Variants in APBA2 observed in about 807,000 individuals in gnomAD.
APBA2 encodes amyloid beta precursor protein binding family A member 2, also known as amyloid-beta A4 precursor protein-binding family A member 2.
Under a neutral mutation model 75.0 loss-of-function variants are expected in APBA2, and 30 were observed. The observed-to-expected ratio is 0.40, with a 90% CI of 0.30 to 0.54. APBA2 has a LOEUF of 0.54. Among genes scored for constraint, APBA2 ranks in the 20% least tolerant of loss-of-function variants. The pLI, the probability that APBA2 is intolerant of heterozygous loss-of-function variation, is 0.49. For synonymous variants in APBA2, 444 were observed against 409.6 expected (o/e 1.08, Z -1.01); for missense variants, 801 against 1,016.1 (o/e 0.79, Z 2.88).
chr15:29,107,295 T>G (rs911928528), intron 12 of APBA2, among the ~76,000 whole-genome samples: 6 of 152,286 alleles, frequency 3.9e-5, no homozygotes, highest in African/African-American at 1.4e-4. Flanking sequence ...ACTCGTGAGC[T>G]TGCAGCTTTG....
chr15:29,100,067 A>C (rs2044043089), intron 9 of APBA2, among the ~76,000 whole-genome samples: 1 of 152,312 alleles, frequency 6.6e-6, no homozygotes, highest in East Asian at 1.9e-4. Flanking sequence ...CAGGTGAGAG[A>C]CTGGGAAGGC....
At chr15:29,011,871 G>A (rs2039420546) in intron 3 of APBA2, among the ~76,000 whole-genome samples, 1 of 151,966 alleles carries the variant, frequency 6.6e-6, no homozygotes, top group East Asian at 1.9e-4. Flanking sequence ...TTTATTCCTA[G>A]TAGGTTGCCC....
chr15:29,040,522 C>T (rs756437617), intron 3 of APBA2, among the ~76,000 whole-genome samples: 2 of 152,164 alleles, frequency 1.3e-5, no homozygotes, highest in South Asian at 4.1e-4. Flanking sequence ...AACCGTGGCC[C>T]GGGTCCCAGA....
At chr15:28,938,160 A>C (rs556677616) in intron 2 of APBA2, among the ~76,000 whole-genome samples, 2 of 152,162 alleles carry the variant, frequency 1.3e-5, no homozygotes, top group African/African-American at 4.8e-5. Flanking sequence ...GAGATTGCCA[A>C]ACTTTCTCAG....
chr15:29,081,891 C>T (rs1213723232), intron 6 of APBA2, among the ~76,000 whole-genome samples: 1 of 152,186 alleles, frequency 6.6e-6, no homozygotes, highest in East Asian at 1.9e-4. Flanking sequence ...TTTATGGAGG[C>T]GGTTCCTGGC....
At chr15:28,959,719 A>G (rs2152735492) in intron 2 of APBA2, among the ~76,000 whole-genome samples, 1 of 152,344 alleles carries the variant, frequency 6.6e-6, no homozygotes, top group South Asian at 2.1e-4. Context: ...CCAGTTTTTA[A>G]GCAATCTTCA....
At chr15:28,995,419 T>G (rs2038464513) in intron 2 of APBA2, among the ~76,000 whole-genome samples, 1 of 152,158 alleles carries the variant, frequency 6.6e-6, no homozygotes, top group Non-Finnish European at 1.5e-5. Flanking sequence ...GGGGTCAAGC[T>G]TTGTTGTGGG....
chr15:29,044,652 A>T (rs930706763), intron 3 of APBA2, among the ~76,000 whole-genome samples: 7 of 152,176 alleles, frequency 4.6e-5, no homozygotes, highest in African/African-American at 1.7e-4. Context: ...CACTGTATGC[A>T]GCAAAGACAG....
At chr15:29,087,392 T>C (rs1272442123) in intron 6 of APBA2, among the ~76,000 whole-genome samples, 2 of 152,240 alleles carry the variant, frequency 1.3e-5, no homozygotes, top group African/African-American at 4.8e-5. Context: ...GACTCTCTGT[T>C]GTGGCTTCTC....
At chr15:29,090,473 C>T (rs969457860) in intron 6 of APBA2, among the ~76,000 whole-genome samples, 3 of 152,174 alleles carry the variant, frequency 2.0e-5, no homozygotes, top group African/African-American at 2.4e-5. Flanking sequence ...TGGGGGCTGG[C>T]GAGGGAGAAG....
intron 2 of APBA2, among the ~76,000 whole-genome samples, chr15:28,968,770 T>C (rs1205019469): frequency 6.6e-6 from 1 of 152,262 alleles, no homozygotes; most frequent in East Asian, 1.9e-4. Context: ...GGGCAGGCCC[T>C]AATCCAGCAT....
In APBA2 at chr15:29,093,150, T is replaced by C; in HGVS notation, c.1145T>C (p.Leu382Pro). 1 of 1,614,236 alleles carries C rather than the reference T, an allele frequency of 6.2e-7. No individual in the cohort carries two copies. The highest frequency in any genetic ancestry group is 8.5e-7 in the Non-Finnish European group (1 of 1,180,042). ...FAANYLGSTQ[L>P]LSERNPSKNI... ...GCCAATTACCTGGGGTCCACCCAGC[T>C]GCTATCAGAACGGAACCCTTCCAAA... Residue 382 changes from leucine to proline, a missense_variant, in exon 7 of 15, where the codon CTG becomes CCG. Leu to Pro is a moderately conservative substitution (Grantham distance 98). Coordinates refer to ENST00000683413, the MANE Select transcript of APBA2 (RefSeq NM_001353788.2).
At chr15:29,109,682 C>G (rs983962645) in intron 13 of APBA2, among the ~76,000 whole-genome samples, 1 of 152,226 alleles carries the variant, frequency 6.6e-6, no homozygotes, top group Admixed American at 6.5e-5. Flanking sequence ...AAGTGGGGGC[C>G]AGCTGGTGCC....
chr15:28,908,454 G>C (rs2033254328), intron 1 of APBA2, among the ~76,000 whole-genome samples: 1 of 151,994 alleles, frequency 6.6e-6, no homozygotes, highest in African/African-American at 2.4e-5. Context: ...GGGACTACAG[G>C]CGCCCGCCAC....
intron 1 of APBA2, among the ~76,000 whole-genome samples, chr15:28,908,867 ACCATCACCGTCAT>A (rs1223981526): frequency 6.6e-6 from 1 of 152,172 alleles, no homozygotes; most frequent in African/African-American, 2.4e-5. Context: ...GTGTTGTGCA[ACCATCACCGTCAT>A]CCATCTCCAG....
intron 2 of APBA2, among the ~76,000 whole-genome samples, chr15:28,951,668 T>C (rs2035881282): frequency 6.6e-6 from 1 of 152,108 alleles, no homozygotes; most frequent in African/African-American, 2.4e-5. Flanking sequence ...CACTGCAACC[T>C]CCGCCTCCCA....
intron 2 of APBA2, among the ~76,000 whole-genome samples, chr15:28,954,848 G>A (rs2036082410): frequency 6.6e-6 from 1 of 152,144 alleles, no homozygotes; most frequent in African/African-American, 2.4e-5. Flanking sequence ...CCAAACCTGG[G>A]AACCTTTCTA....
intron 14 of APBA2, among the ~76,000 whole-genome samples, chr15:29,116,087 G>T (rs1360654737): frequency 6.6e-6 from 1 of 152,084 alleles, no homozygotes; most frequent in African/African-American, 2.4e-5. Flanking sequence ...CAGACGTTTA[G>T]AGTCTGCTCC....
At chr15:29,028,477 G>A (rs2040334766) in intron 3 of APBA2, among the ~76,000 whole-genome samples, 1 of 152,182 alleles carries the variant, frequency 6.6e-6, no homozygotes. Flanking sequence ...AGGGGTGCAT[G>A]TATCTTTGTA....
Sources: allele counts gnomAD v4.1 joint callset (sites outside exome capture counted in the v4.1 genomes callset), GRCh38; gene constraint gnomAD v4.1.1; transcripts MANE v1.5; gene names NCBI Gene and HGNC (gene_info 2026-07-23, HGNC 2026-07-21).